CALD1: variants seen among roughly 807,000 people sequenced by gnomAD.
The protein encoded by CALD1 is caldesmon 1, also known as caldesmon.
Under a neutral mutation model 99.9 loss-of-function variants are expected in CALD1, and 33 were observed. The ratio of observed to expected loss-of-function variants is 0.33; its 90% CI spans 0.25 to 0.44. The LOEUF is 0.44. CALD1 is among the 20% of genes least tolerant of loss of function. The pLI is 1.00. For missense variants in CALD1, 861 were observed against 962.1 expected (o/e 0.89, Z 1.39); for synonymous variants, 310 against 325.0 (o/e 0.95, Z 0.50).
chr7:134,849,704 C>T (rs1312860026), intron 2 of CALD1, among the ~76,000 whole-genome samples: 2 of 151,888 alleles, frequency 1.3e-5, no homozygotes, highest in Admixed American at 1.3e-4. Context: ...AATTTAAAAG[C>T]AAAATAAGGG....
In CALD1 at chr7:134,813,566, T is replaced by C. The variant is rs560817503; in HGVS notation, c.-129-30318T>C. ...TATCCAGATTCAGCTGTAAGTATAT[T>C]GGAAAATATGATGGTAGAAGCCTGT... On this transcript the variant is annotated intron_variant, in intron 1 of 14. Coordinates refer to ENST00000361675, the MANE Select transcript of CALD1 (RefSeq NM_033138.4). Among the ~76,000 whole-genome samples, 3 of 152,258 alleles carry C rather than the reference T, an allele frequency of 2.0e-5. No homozygotes were observed. The East Asian group carries it at 5.8e-4, about 29-fold the overall frequency.
intron 3 of CALD1, among the ~76,000 whole-genome samples, chr7:134,875,913 G>A (rs562063846): frequency 1.3e-5 from 2 of 152,330 alleles, no homozygotes; most frequent in East Asian, 3.9e-4. Context: ...AGGCAAAGAA[G>A]GCTGTTGATA....
At chr7:134,887,646 CTGTA>C (rs963583124) in intron 3 of CALD1, among the ~76,000 whole-genome samples, 17 of 150,374 alleles carry the variant, frequency 1.1e-4, no homozygotes, top group African/African-American at 2.2e-4. Context: ...ACATGCATGT[CTGTA>C]TGTGTGTGCA....
chr7:134,790,693 T>TA (rs1253756802), intron 1 of CALD1, among the ~76,000 whole-genome samples: 1 of 152,104 alleles, frequency 6.6e-6, no homozygotes, highest in Non-Finnish European at 1.5e-5. Flanking sequence ...TAAATTAAAT[T>TA]AAAAAAAGAA....
chr7:134,959,843 A>G lies in CALD1; in HGVS notation c.2062-131A>G, dbSNP rs111501982. The G allele has an allele frequency of 1.3e-3, 1,111 of 839,278 alleles. 7 individuals carry two copies. The African/African-American group carries it at 0.017, about 13-fold the overall frequency. 52.0% of individuals were successfully genotyped at this position (839,278 alleles called of 1,614,324 possible). ...ATACAGTTTTACAACAGAAATTATC[A>G]CTCTCATTTTTGGTGGAGGTGTTTA... On this transcript the variant is annotated intron_variant, in intron 11 of 14. Transcript: ENST00000361675.
Position 134,832,207 on chromosome 7 carries a change from C to A in CALD1, c.-129-11677C>A, listed in dbSNP as rs1799259528. ...ATTTTTGTCTCTTAATATGCATTTC[C>A]AGAAAGCTGTTTCTCTCTGGGGTCT... is the stretch of plus-strand genomic sequence containing the variant. On this transcript the variant is annotated intron_variant, in intron 1 of 14. Coordinates refer to ENST00000361675, the MANE Select transcript of CALD1 (RefSeq NM_033138.4). Among the ~76,000 whole-genome samples the A allele has an allele frequency of 2.0e-5, 3 of 152,170 alleles. No homozygotes were observed. In the South Asian group the frequency reaches 6.2e-4, roughly 32 times the overall value.
chr7:134,764,815 T>C (rs577069974), intron 1 of CALD1, among the ~76,000 whole-genome samples: 1 of 152,050 alleles, frequency 6.6e-6, no homozygotes, highest in Non-Finnish European at 1.5e-5. Flanking sequence ...CTGAAGTCAC[T>C]GAGGCAGGAG....
intron 2 of CALD1, among the ~76,000 whole-genome samples, chr7:134,847,227 G>T (rs1484122191): frequency 6.6e-6 from 1 of 152,144 alleles, no homozygotes; most frequent in Non-Finnish European, 1.5e-5. Flanking sequence ...GAGAAGCTTG[G>T]GTTTTTATTT....
At chr7:134,896,271 G>A (rs190565623) in intron 3 of CALD1, among the ~76,000 whole-genome samples, 1 of 152,298 alleles carries the variant, frequency 6.6e-6, no homozygotes, top group Admixed American at 6.5e-5. Flanking sequence ...TTGCCTTTCT[G>A]AGAAAATTGC....
intron 3 of CALD1, among the ~76,000 whole-genome samples, chr7:134,869,713 G>A (rs1409905220): frequency 1.3e-5 from 2 of 152,160 alleles, no homozygotes; most frequent in African/African-American, 2.4e-5. Context: ...GCAGGCATGT[G>A]GAGATAGGAA....
At position 134,969,601 on chromosome 7, in the gene CALD1, T is replaced by C. The variant is rs535186328; in HGVS notation, c.*1256T>C. On this transcript the variant is annotated 3_prime_UTR_variant, in exon 15 of 15. Transcript: ENST00000361675. ...GGAGTCATGACAGTACTTTGATCTTTATATACTCTGAAGCATTTCTTCAAA... is the reference window on the plus strand; with the variant it reads ...GGAGTCATGACAGTACTTTGATCTTCATATACTCTGAAGCATTTCTTCAAA... 1 of 151,908 alleles carries C rather than the reference T, an allele frequency of 6.6e-6. No individual in the cohort carries two copies. The highest frequency in any genetic ancestry group is 2.1e-4 in the South Asian group (1 of 4,794). 9.4% of individuals were successfully genotyped at this position (151,908 alleles called of 1,614,324 possible). A position where few individuals can be genotyped will look rare whatever the true frequency, so the allele number is the denominator to read the frequency against.
chr7:134,964,591 C>G (rs1231084448), intron 13 of CALD1, among the ~76,000 whole-genome samples: 1 of 152,116 alleles, frequency 6.6e-6, no homozygotes, highest in African/African-American at 2.4e-5. Context: ...CAGAGAAAGT[C>G]CCTAGGCAGA....
intron 2 of CALD1, among the ~76,000 whole-genome samples, chr7:134,851,201 T>C (rs1049208469): frequency 4.6e-5 from 7 of 152,180 alleles, no homozygotes; most frequent in African/African-American, 1.7e-4. Context: ...ACTCCCCAAA[T>C]AGTTACCTCT....
intron 9 of CALD1, among the ~76,000 whole-genome samples, chr7:134,953,230 G>A (rs1001729947): frequency 6.6e-6 from 1 of 152,170 alleles, no homozygotes; most frequent in African/African-American, 2.4e-5. Context: ...TGTAATGCCA[G>A]CACGTTGGGA....
At chr7:134,965,133 A>T (rs540456642) in intron 13 of CALD1, 173 bp from the exon 14 acceptor site, 1 of 541,892 alleles carries the variant, frequency 1.8e-6, no homozygotes, top group South Asian at 2.1e-5. Flanking sequence ...ATAAAAAAAT[A>T]AAAAAATCAA....
At chr7:134,896,350 A>AT (rs11452768) in intron 3 of CALD1, among the ~76,000 whole-genome samples, 152,336 of 152,336 alleles carry the variant, frequency 1, 76,168 homozygotes, top group Non-Finnish European at 1. Flanking sequence ...ACACTGACCA[A>AT]TTTGTCTACT....
chr7:134,881,360 A>T (rs969487460), intron 3 of CALD1, among the ~76,000 whole-genome samples: 2 of 152,172 alleles, frequency 1.3e-5, no homozygotes, highest in African/African-American at 4.8e-5. Flanking sequence ...CATTAGAGCT[A>T]AATGTCCTCT....
chr7:134,868,786 C>T (rs1344204725), intron 3 of CALD1, among the ~76,000 whole-genome samples: 1 of 152,204 alleles, frequency 6.6e-6, no homozygotes, highest in Non-Finnish European at 1.5e-5. Flanking sequence ...CCACAAGGCA[C>T]TATGGATGGT....
chr7:134,783,070 G>C lies in CALD1; in HGVS notation c.-130+3321G>C, dbSNP rs1347735432. On this transcript the variant is annotated intron_variant, in intron 1 of 14. Transcript: ENST00000361675. The surrounding 1 kb of genome is among the most constrained non-coding windows in gnomAD (Gnocchi z 4.3). ...GACAACAGAAAGCCCTTAAGTAATT[G>C]AGGCAGCTTCTCTGCCTCCAGCCAA... Among the ~76,000 whole-genome samples, 2 of 152,160 alleles carry C rather than the reference G, an allele frequency of 1.3e-5. No individual in the cohort carries two copies. Among genetic ancestry groups the C allele is most frequent in the East Asian group, 3.9e-4 (2 of 5,194 alleles).
Sources: gnomAD v4.1 joint callset for allele counts (sites outside exome capture counted in the v4.1 genomes callset) on GRCh38, gnomAD v4.1.1 for gene constraint, Gnocchi (gnomAD v3.1) non-coding constraint, MANE v1.5 for transcripts, NCBI Gene and HGNC (gene_info 2026-07-23, HGNC 2026-07-21) for gene names.